Variants in PKN2 observed in about 807,000 individuals in gnomAD.
The protein encoded by PKN2 is serine/threonine-protein kinase N2.
PKN2 carries 38 observed loss-of-function variants against 119.1 expected under a neutral mutation model. The observed-to-expected ratio is 0.32, with a 90% CI of 0.25 to 0.42. The LOEUF is 0.42. Among genes scored for constraint, PKN2 ranks in the 10% least tolerant of loss-of-function variants. The pLI is 1.00. For synonymous variants in PKN2, 390 were observed against 384.9 expected, an observed-to-expected ratio of 1.01 and a Z score of -0.15; for missense variants, 850 against 1,165.1, an observed-to-expected ratio of 0.73 and a Z score of 3.94.
In PKN2 at chr1:88,747,553, G is replaced by C. The variant is rs7542395; in HGVS notation, c.349+6265G>C. ...CCTGACACTCGTTTGAGAAAGATCC[G>C]GTTTCCTGAATCTTGGTTTCTTTAA... On this transcript the variant is annotated intron_variant, in intron 2 of 21. Transcript: ENST00000370521. 3.0e-3 allele frequency among the ~76,000 whole-genome samples: 451 copies of C among 152,194 alleles called. 4 individuals are homozygous for C. Among genetic ancestry groups the C allele is most frequent in the African/African-American group, 0.01 (428 of 41,556 alleles).
At position 88,708,207 on chromosome 1, in the gene PKN2, T is replaced by C. The variant is rs977447193; in HGVS notation, c.48+23579T>C. On this transcript the variant is annotated intron_variant, in intron 1 of 21. Coordinates refer to ENST00000370521, the MANE Select transcript of PKN2 (RefSeq NM_006256.4). ...GTTAAACTCGAATATGGTTTTGCAG[T>C]TGAACCTGTTAAACCTGTAGATCTT... Among the ~76,000 whole-genome samples the C allele has an allele frequency of 5.9e-5, 9 of 152,254 alleles. No homozygotes were observed. The East Asian group carries it at 1.4e-3, about 23-fold the overall frequency.
chr1:88,770,066 C>G (rs188863101), intron 3 of PKN2, among the ~76,000 whole-genome samples: 3 of 152,190 alleles, frequency 2.0e-5, no homozygotes, highest in African/African-American at 7.2e-5. Context: ...ATGTACACTG[C>G]AAGTATATAC....
chr1:88,779,915 T>A (rs1277502668), intron 6 of PKN2, among the ~76,000 whole-genome samples: 1 of 152,216 alleles, frequency 6.6e-6, no homozygotes, highest in African/African-American at 2.4e-5. Flanking sequence ...CAGGGCCACA[T>A]CAGGATTTTG....
At position 88,825,779 on chromosome 1, in the gene PKN2, G is replaced by A. The variant is rs147191613; in HGVS notation, c.2419+1393G>A. Among the ~76,000 whole-genome samples the A allele has an allele frequency of 3.0e-3, 451 of 152,200 alleles. 4 individuals are homozygous for A. Among genetic ancestry groups the A allele is most frequent in the African/African-American group, 0.01 (429 of 41,524 alleles). On this transcript the variant is annotated intron_variant, in intron 18 of 21. Coordinates refer to ENST00000370521, the MANE Select transcript of PKN2 (RefSeq NM_006256.4). ...CCATATAAATACAGATCGGACCATG[G>A]CACATACCTGCTGAAAACTCTTCAG...
rs183365409 is a variant in PKN2, at chr1:88,765,752, G to A, written c.505-4600G>A. On this transcript the variant is annotated intron_variant, in intron 3 of 21. Coordinates refer to ENST00000370521, the MANE Select transcript of PKN2 (RefSeq NM_006256.4). ...CCAGACTTATTTATTATAATGACTC[G>A]GGAAACCTTTCTGGATTCCCTTAAC... 4.7e-3 allele frequency among the ~76,000 whole-genome samples: 710 copies of A among 152,164 alleles called. 3 individuals are homozygous for A. The highest frequency in any genetic ancestry group is 0.02 in the Middle Eastern group (6 of 294).
At chr1:88,805,117 C>T (rs938297855) in intron 10 of PKN2, among the ~76,000 whole-genome samples, 196 bp downstream of exon 10, 1 of 152,072 alleles carries the variant, frequency 6.6e-6, no homozygotes, top group Non-Finnish European at 1.5e-5. Context: ...CCGGCTTCAA[C>T]AATAATCAAC....
At chr1:88,739,655 C>G (rs1668499193) in intron 1 of PKN2, among the ~76,000 whole-genome samples, 2 of 152,142 alleles carry the variant, frequency 1.3e-5, no homozygotes, top group African/African-American at 4.8e-5. Context: ...TAACCATTAT[C>G]TTTGGTTTCT....
At chr1:88,688,284 A>C (rs1666187063) in intron 1 of PKN2, among the ~76,000 whole-genome samples, 2 of 152,044 alleles carry the variant, frequency 1.3e-5, no homozygotes, top group South Asian at 4.1e-4. Flanking sequence ...ACGGGGTTTC[A>C]TTATGTTGGC....
intron 16 of PKN2, among the ~76,000 whole-genome samples, chr1:88,820,590 A>G (rs371129925): frequency 6.6e-6 from 1 of 152,146 alleles, no homozygotes; most frequent in East Asian, 1.9e-4. Flanking sequence ...TTTAATAAAA[A>G]TAGGTAAATA....
chr1:88,725,538 TTA>T (rs1334953644), intron 1 of PKN2, among the ~76,000 whole-genome samples: 2 of 152,222 alleles, frequency 1.3e-5, no homozygotes, highest in Non-Finnish European at 2.9e-5. Flanking sequence ...TTGTTTGCCG[TTA>T]TATATCCTCT....
intron 1 of PKN2, among the ~76,000 whole-genome samples, chr1:88,698,912 G>T (rs970093289): frequency 6.6e-6 from 1 of 151,854 alleles, no homozygotes; most frequent in Admixed American, 6.6e-5. Flanking sequence ...TTTCCTTTAC[G>T]ACTATGTTTT....
chr1:88,784,923 G>T, intron 7 of PKN2, 99 bp downstream of exon 7: 1 of 561,062 alleles, frequency 1.8e-6, no homozygotes, highest in South Asian at 6.2e-5. Context: ...TTAAAATTAT[G>T]GTTTTTATAA....
intron 1 of PKN2, 69 bp downstream of exon 1, chr1:88,684,697 G>A: frequency 7.3e-7 from 1 of 1,366,770 alleles, no homozygotes; most frequent in Non-Finnish European, 9.6e-7. Context: ...GCGGCGTCGG[G>A]GACCGAGGAA....
At chr1:88,824,195 TC>T in intron 17 of PKN2, 114 bp from the exon 18 acceptor site, 1 of 584,012 alleles carries the variant, frequency 1.7e-6, no homozygotes, top group Non-Finnish European at 3.0e-6. Context: ...AACTTGGAAA[TC>T]CCATTTTTAA....
intron 1 of PKN2, among the ~76,000 whole-genome samples, chr1:88,717,370 GATA>G (rs1420685444): frequency 2.0e-5 from 3 of 152,100 alleles, no homozygotes; most frequent in African/African-American, 7.2e-5. Context: ...AGTTCTCCTG[GATA>G]ATATCCTGCA....
intron 19 of PKN2, chr1:88,829,356 A>T: frequency 2.0e-6 from 1 of 490,426 alleles, no homozygotes; most frequent in South Asian, 2.3e-5. Context: ...AGATTCCTGA[A>T]TTCCCAGTTG....
At chr1:88,744,672 C>T (rs906470133) in intron 2 of PKN2, among the ~76,000 whole-genome samples, 2 of 152,206 alleles carry the variant, frequency 1.3e-5, no homozygotes, top group Admixed American at 6.5e-5. Context: ...CCGCCCACCT[C>T]GGCTTCCCAA....
At chr1:88,699,326 C>G (rs527876271) in intron 1 of PKN2, among the ~76,000 whole-genome samples, 47 of 152,056 alleles carry the variant, frequency 3.1e-4, no homozygotes, top group Admixed American at 5.2e-4. Context: ...TGCCTTTTTG[C>G]AAATGTATTT....
intron 1 of PKN2, among the ~76,000 whole-genome samples, chr1:88,690,324 A>G (rs984036966): frequency 2.6e-5 from 4 of 152,226 alleles, no homozygotes; most frequent in Admixed American, 1.3e-4. Flanking sequence ...TGTAAACATC[A>G]CCTAAAATAA....
Sources: allele counts gnomAD v4.1 joint callset (sites outside exome capture counted in the v4.1 genomes callset), GRCh38; gene constraint gnomAD v4.1.1; transcripts MANE v1.5; gene names NCBI Gene and HGNC (gene_info 2026-07-23, HGNC 2026-07-21).